Variants in TIMP3 observed in about 807,000 individuals in gnomAD.
TIMP3 encodes the protein metalloproteinase inhibitor 3.
A neutral mutation model predicts 30.0 loss-of-function variants in TIMP3; 11 were observed. The ratio of observed to expected loss-of-function variants is 0.37; its 90% confidence interval spans 0.23 to 0.61. The LOEUF (loss-of-function observed/expected upper bound fraction) is 0.61. TIMP3 is among the 20% of genes least tolerant of loss of function. The pLI is 0.70. For missense variants in TIMP3, 181 were observed against 276.8 expected, an observed-to-expected ratio of 0.65 and a Z score of 2.45; for synonymous variants, 112 against 111.3, an observed-to-expected ratio of 1.01 and a Z score of -0.04.
chr22:32,832,894 AT>A lies in TIMP3; in HGVS notation c.122-16549del, dbSNP rs893225242. Among the ~76,000 whole-genome samples the A allele has an allele frequency of 4.7e-4, 70 of 150,508 alleles. 1 individual carries two copies. Among genetic ancestry groups the A allele is most frequent in the African/African-American group, 1.5e-3 (62 of 40,932 alleles). ...AGGTACGTACTACCATTCCCAGCTA[AT>A]TTTTTTTTCGTGGTTTTCGTAGAGA... On this transcript the variant is annotated intron_variant, in intron 1 of 4. Transcript: ENST00000266085.
At chr22:32,820,323 T>C (rs1160500465) in intron 1 of TIMP3, among the ~76,000 whole-genome samples, 2 of 150,418 alleles carry the variant, frequency 1.3e-5, no homozygotes, top group African/African-American at 4.9e-5. Context: ...CGTGTGTGTG[T>C]CATCCTCTGC....
chr22:32,812,846 T>C lies in TIMP3; in HGVS notation c.121+10724T>C, dbSNP rs146026539. On this transcript the variant is annotated intron_variant, in intron 1 of 4. Transcript: ENST00000266085. ...ACAGGGAGAAACCCCAGTGACAGGA[T>C]AGAAAGCTCCAAAGATCCTGAGGAA... Among the ~76,000 whole-genome samples the C allele has an allele frequency of 9.0e-3, 1,364 of 152,352 alleles. 21 individuals are homozygous for C. The highest frequency in any genetic ancestry group is 0.031 in the African/African-American group (1,285 of 41,576).
At position 32,802,083 on chromosome 22, in the gene TIMP3, C is replaced by T; in HGVS notation, c.82C>T (p.Pro28Ser). 3.2e-6 allele frequency: 5 copies of T among 1,577,744 alleles called. No homozygotes were observed. Among genetic ancestry groups the T allele is most frequent in the Non-Finnish European group, 4.3e-6 (5 of 1,166,886 alleles). Residue 28 changes from proline to serine, a missense_variant, in exon 1 of 5, where the codon CCC becomes TCC. Around this residue, in one of 3 missense-constraint regions of TIMP3, gnomAD observed 71 missense variants for 79.7 expected, o/e 0.89. Transcript: ENST00000266085. ...GGGCGCCGAGGCGTGCACATGCTCG[C>T]CCAGCCACCCCCAGGACGCCTTCTG... is the stretch of plus-strand genomic sequence containing the variant. ...DWGAEACTCS[P>S]SHPQDAFCNS... is the part of the protein sequence containing the mutation.
intron 1 of TIMP3, among the ~76,000 whole-genome samples, chr22:32,824,075 G>A (rs549487931): frequency 7.2e-5 from 11 of 152,114 alleles, no homozygotes; most frequent in African/African-American, 1.9e-4. Flanking sequence ...TCAGGAGATC[G>A]AGACCATCCT....
intron 1 of TIMP3, among the ~76,000 whole-genome samples, chr22:32,820,199 G>A (rs979252595): frequency 6.6e-6 from 1 of 151,882 alleles, no homozygotes; most frequent in African/African-American, 2.4e-5. Context: ...ACTCCCTCAG[G>A]GCATGATCAC....
chr22:32,847,671 T>A (rs2048106538), intron 1 of TIMP3, among the ~76,000 whole-genome samples: 1 of 152,184 alleles, frequency 6.6e-6, no homozygotes, highest in South Asian at 2.1e-4. Context: ...TGAGGAAGGA[T>A]AATGGAGCTA....
At position 32,857,872 on chromosome 22, in the gene TIMP3, T is replaced by C. The variant is rs541111309; in HGVS notation, c.317-145T>C. On this transcript the variant is annotated intron_variant, in intron 3 of 4. Transcript: ENST00000266085. ...GGGCTACAGTCCATTTTAAAAGGTG[T>C]TGGGTAGGGTGAAATAAAATCATGG... The C allele has an allele frequency of 7.5e-5, 92 of 1,221,336 alleles. No homozygotes were observed. The African/African-American group carries it at 1.0e-3, about 14-fold the overall frequency. The allele number at this position is 1,221,336 out of a possible 1,614,324, so 75.7% of individuals were successfully genotyped here.
At chr22:32,802,268 C>A in intron 1 of TIMP3, 146 bp downstream of exon 1, 1 of 1,271,680 alleles carries the variant, frequency 7.9e-7, no homozygotes, top group Non-Finnish European at 1.1e-6. Context: ...ACTCGATGTC[C>A]TTGGGCGGGG....
At chr22:32,824,645 T>C (rs1231921035) in intron 1 of TIMP3, among the ~76,000 whole-genome samples, 3 of 152,218 alleles carry the variant, frequency 2.0e-5, no homozygotes, top group African/African-American at 4.8e-5. Flanking sequence ...AAATTCTCTG[T>C]ATACAAATAA....
At chr22:32,855,107 G>T (rs140299120) in intron 2 of TIMP3, among the ~76,000 whole-genome samples, 50 of 152,262 alleles carry the variant, frequency 3.3e-4, no homozygotes, top group African/African-American at 8.9e-4. Flanking sequence ...TAAACCCTTG[G>T]GACAAGCCCA....
rs920798325 is a variant in TIMP3 at position 32,860,881 on chromosome 22, G to A, written c.*1504G>A. On this transcript the variant is annotated 3_prime_UTR_variant, in exon 5 of 5. Coordinates refer to ENST00000266085, the MANE Select transcript of TIMP3 (RefSeq NM_000362.5). The stretch of plus-strand genomic sequence containing the variant: ...AATTGTTGGTCACTGGGGAAAGCCT[G>A]AGTTTGCAACCAGTTGTAGGGTTTC... 8 of 150,126 alleles carry A rather than the reference G, an allele frequency of 5.3e-5. No individual in the cohort carries two copies. The highest frequency in any genetic ancestry group is 1.5e-5 in the Non-Finnish European group (1 of 67,728). 9.3% of individuals were successfully genotyped at this position (150,126 alleles called of 1,614,324 possible).
chr22:32,815,068 C>T (rs73158320), intron 1 of TIMP3, among the ~76,000 whole-genome samples: 3 of 152,184 alleles, frequency 2.0e-5, no homozygotes, highest in Non-Finnish European at 2.9e-5. Context: ...GGACTAGTTG[C>T]GTTTCAGCTA....
intron 1 of TIMP3, among the ~76,000 whole-genome samples, chr22:32,807,328 TAA>T (rs1267655200): frequency 2.4e-5 from 2 of 82,448 alleles, no homozygotes; most frequent in Non-Finnish European, 4.4e-5. Flanking sequence ...TATAAATATA[TAA>T]TTTATATATA....
chr22:32,850,176 T>C (rs1235421597), intron 2 of TIMP3, among the ~76,000 whole-genome samples: 1 of 151,306 alleles, frequency 6.6e-6, no homozygotes, highest in Admixed American at 6.6e-5. Context: ...CATCATGAAG[T>C]ACAGGAAGGA....
chr22:32,816,921 T>A (rs2047100280), intron 1 of TIMP3, among the ~76,000 whole-genome samples: 1 of 152,180 alleles, frequency 6.6e-6, no homozygotes, highest in African/African-American at 2.4e-5. Context: ...ACCACCAATC[T>A]TAAGAAATGT....
In TIMP3 at chr22:32,861,525, A is replaced by G. The variant is rs764334912; in HGVS notation, c.*2148A>G. The G allele has an allele frequency of 1.3e-5, 2 of 152,332 alleles. No individual in the cohort carries two copies. The highest frequency in any genetic ancestry group is 4.8e-5 in the African/African-American group (2 of 41,442). The allele number at this position is 152,332 out of a possible 1,614,324, so 9.4% of individuals were successfully genotyped here. ...CAACCTACACAAGTTCCCTCCCACA[A>G]GTGGACATCAGTGTCTTCTCTGTGA... On this transcript the variant is annotated 3_prime_UTR_variant, in exon 5 of 5. Transcript: ENST00000266085.
At chr22:32,838,119 G>T (rs925648897) in intron 1 of TIMP3, among the ~76,000 whole-genome samples, 2 of 152,170 alleles carry the variant, frequency 1.3e-5, no homozygotes, top group African/African-American at 4.8e-5. Context: ...GCTTCTTAAA[G>T]GTAGGAACCT....
intron 1 of TIMP3, among the ~76,000 whole-genome samples, chr22:32,843,690 C>T (rs1052951072): frequency 4.6e-5 from 7 of 152,134 alleles, no homozygotes; most frequent in South Asian, 2.1e-4. Flanking sequence ...AAGTCTAGGC[C>T]GAAGATGCGA....
chr22:32,808,248 C>A (rs1043381564), intron 1 of TIMP3, among the ~76,000 whole-genome samples: 6 of 152,202 alleles, frequency 3.9e-5, no homozygotes. Context: ...GTGTTTTGAA[C>A]ACACATACAC....
Sources: allele counts gnomAD v4.1 joint callset (sites outside exome capture counted in the v4.1 genomes callset), GRCh38; gene constraint gnomAD v4.1.1; regional missense constraint gnomAD v4.1.1; transcripts MANE v1.5; gene names NCBI Gene and HGNC (gene_info 2026-07-23, HGNC 2026-07-21).